Variants in DNAJC1 observed in about 807,000 individuals in gnomAD.
DNAJC1 encodes the protein DnaJ heat shock protein family (Hsp40) member C1.
A neutral mutation model predicts 76.6 loss-of-function variants in DNAJC1; 58 were observed. That is an observed-to-expected ratio of 0.76 (90% confidence interval 0.61 to 0.94). The LOEUF (loss-of-function observed/expected upper bound fraction) is 0.94, where lower values mean the gene tolerates loss of function less well. Ranked by LOEUF, DNAJC1 falls within the 40% of genes least tolerant of loss-of-function variation. DNAJC1 has a pLI of 0.00. For synonymous variants in DNAJC1, 258 were observed against 267.9 expected (o/e 0.96, Z 0.36); for missense variants, 689 against 677.3 (o/e 1.02, Z -0.19).
chr10:21,896,186 A>G (rs1836539320), intron 7 of DNAJC1, among the ~76,000 whole-genome samples: 4 of 152,202 alleles, frequency 2.6e-5, no homozygotes, highest in Admixed American at 2.0e-4. Context: ...CTAAGACCTC[A>G]GAACTGCAGA....
rs1477831360 is a variant in DNAJC1, at chr10:21,989,121, T to A, written c.222+14092A>T. 2.0e-5 allele frequency among the ~76,000 whole-genome samples: 3 copies of A among 152,176 alleles called. No homozygotes were observed. The East Asian group carries it at 5.8e-4, about 29-fold the overall frequency. ...GGGATGGAATGGTAGACTGTCTCTT[T>A]CAATGCCTAATAGCCTCTTAAATTA... On this transcript the variant is annotated intron_variant, in intron 1 of 11. Transcript: ENST00000376980.
At chr10:21,987,064 C>T (rs915520519) in intron 1 of DNAJC1, among the ~76,000 whole-genome samples, 1 of 152,130 alleles carries the variant, frequency 6.6e-6, no homozygotes, top group Non-Finnish European at 1.5e-5. Flanking sequence ...CCACGCCCAG[C>T]CCAATGTATA....
intron 7 of DNAJC1, among the ~76,000 whole-genome samples, chr10:21,894,506 G>C (rs1452435869): frequency 6.6e-6 from 1 of 152,196 alleles, no homozygotes; most frequent in Non-Finnish European, 1.5e-5. Flanking sequence ...GGGAGGTGTA[G>C]ATTGCAGTGA....
intron 1 of DNAJC1, among the ~76,000 whole-genome samples, chr10:22,002,545 G>C (rs1182088451): frequency 6.6e-6 from 1 of 152,126 alleles, no homozygotes; most frequent in African/African-American, 2.4e-5. Flanking sequence ...CAAGTCCTTT[G>C]CTGCTCAAAA....
chr10:21,951,201 T>A (rs1029329088), intron 1 of DNAJC1, among the ~76,000 whole-genome samples: 1 of 151,940 alleles, frequency 6.6e-6, no homozygotes, highest in Non-Finnish European at 1.5e-5. Flanking sequence ...GCACCTGTAA[T>A]CCCAGCTACT....
chr10:21,799,243 G>T (rs921816530), intron 9 of DNAJC1, among the ~76,000 whole-genome samples: 1 of 151,952 alleles, frequency 6.6e-6, no homozygotes, highest in Non-Finnish European at 1.5e-5. Flanking sequence ...GTCTTTTTAC[G>T]TGTGGTTTCC....
intron 7 of DNAJC1, among the ~76,000 whole-genome samples, chr10:21,892,621 T>C (rs1410782062): frequency 3.3e-5 from 5 of 152,022 alleles, no homozygotes; most frequent in Non-Finnish European, 7.4e-5. Context: ...TATATATATA[T>C]ATGCTATCTA....
chr10:21,826,115 G>C (rs1038097690), intron 8 of DNAJC1, among the ~76,000 whole-genome samples: 1 of 151,978 alleles, frequency 6.6e-6, no homozygotes, highest in African/African-American at 2.4e-5. Context: ...GCAGGAACCT[G>C]TAGTCCCAGC....
chr10:21,786,629 AC>A (rs1479284134), intron 9 of DNAJC1, among the ~76,000 whole-genome samples: 1 of 151,768 alleles, frequency 6.6e-6, no homozygotes. Context: ...GGCGTGCGCC[AC>A]CACACCGGCT....
At chr10:21,889,595 C>T (rs1242189716) in intron 7 of DNAJC1, among the ~76,000 whole-genome samples, 1 of 152,034 alleles carries the variant, frequency 6.6e-6, no homozygotes, top group Non-Finnish European at 1.5e-5. Context: ...AGAAGCCTGA[C>T]CAGCTAGGTA....
intron 7 of DNAJC1, among the ~76,000 whole-genome samples, chr10:21,900,114 A>G (rs1836623476): frequency 1.3e-5 from 2 of 152,140 alleles, no homozygotes; most frequent in African/African-American, 4.8e-5. Context: ...AGGCCGAGAC[A>G]GGTGGATCAC....
chr10:21,816,882 C>T (rs1450544208), intron 8 of DNAJC1, among the ~76,000 whole-genome samples: 8 of 142,308 alleles, frequency 5.6e-5, no homozygotes, highest in African/African-American at 7.7e-5. Flanking sequence ...ATGCCGGGCG[C>T]GGTGGCTCAC....
chr10:21,950,654 C>T (rs531441960), intron 1 of DNAJC1, among the ~76,000 whole-genome samples: 1 of 152,160 alleles, frequency 6.6e-6, no homozygotes, highest in Non-Finnish European at 1.5e-5. Flanking sequence ...TTGCACCAAA[C>T]AGGCAAGTAT....
At chr10:21,845,058 A>G (rs1835633767) in intron 8 of DNAJC1, among the ~76,000 whole-genome samples, 1 of 152,158 alleles carries the variant, frequency 6.6e-6, no homozygotes, top group Non-Finnish European at 1.5e-5. Flanking sequence ...ATATGTGTAC[A>G]CACAGATTTT....
chr10:21,918,598 A>C (rs894197992), intron 6 of DNAJC1, among the ~76,000 whole-genome samples, 181 bp downstream of exon 6: 6 of 151,942 alleles, frequency 3.9e-5, no homozygotes, highest in African/African-American at 7.2e-5. Flanking sequence ...ATAATTACAG[A>C]AACATATCTA....
intron 8 of DNAJC1, among the ~76,000 whole-genome samples, chr10:21,844,810 G>C (rs1000665526): frequency 6.6e-6 from 1 of 152,184 alleles, no homozygotes; most frequent in Non-Finnish European, 1.5e-5. Flanking sequence ...CAAGGTGGGA[G>C]GATCAATTGA....
At chr10:21,951,181 G>A (rs568618455) in intron 1 of DNAJC1, among the ~76,000 whole-genome samples, 2 of 152,230 alleles carry the variant, frequency 1.3e-5, no homozygotes, top group African/African-American at 4.8e-5. Flanking sequence ...TTAGCAGGGC[G>A]TTGTGGTACG....
intron 8 of DNAJC1, among the ~76,000 whole-genome samples, chr10:21,824,511 T>C (rs1835212862): frequency 6.6e-6 from 1 of 152,200 alleles, no homozygotes; most frequent in Non-Finnish European, 1.5e-5. Context: ...TGAAGACATA[T>C]ATTAAGGTCC....
chr10:21,890,110 G>A (rs1402608853), intron 7 of DNAJC1, among the ~76,000 whole-genome samples: 1 of 151,986 alleles, frequency 6.6e-6, no homozygotes, highest in Non-Finnish European at 1.5e-5. Flanking sequence ...CAGGCAGTGT[G>A]GTTACAGAGG....
Sources: allele counts gnomAD v4.1 joint callset (sites outside exome capture counted in the v4.1 genomes callset), GRCh38; gene constraint gnomAD v4.1.1; transcripts MANE v1.5; gene names NCBI Gene and HGNC (gene_info 2026-07-23, HGNC 2026-07-21).